FBXW2: variants seen among roughly 807,000 people sequenced by gnomAD.
The protein encoded by FBXW2 is F-box/WD repeat-containing protein 2.
Under a neutral mutation model 46.0 loss-of-function variants are expected in FBXW2, and 12 were observed. That is an observed-to-expected ratio of 0.26 (90% CI 0.17 to 0.42). The LOEUF (loss-of-function observed/expected upper bound fraction) is 0.42. FBXW2 is among the 10% of genes least tolerant of loss of function. FBXW2 has a pLI of 1.00. For synonymous variants in FBXW2, 203 were observed against 209.6 expected (o/e 0.97, Z 0.27); for missense variants, 360 against 537.0 (o/e 0.67, Z 3.26).
chr9:120,787,177 T>C (rs2044740483), intron 3 of FBXW2, among the ~76,000 whole-genome samples: 1 of 152,238 alleles, frequency 6.6e-6, no homozygotes, highest in Admixed American at 6.5e-5. Context: ...TATAGGCGCA[T>C]GCCGCCACGC....
chr9:120,781,270 A>G (rs556458948), intron 3 of FBXW2, among the ~76,000 whole-genome samples: 1 of 152,284 alleles, frequency 6.6e-6, no homozygotes, highest in South Asian at 2.1e-4. Context: ...CAACTATTAA[A>G]TATCTCTATA....
chr9:120,792,947 C>T, intron 2 of FBXW2: 1 of 1,533,424 alleles, frequency 6.5e-7, no homozygotes, highest in Non-Finnish European at 8.7e-7. Flanking sequence ...TCATAAACCA[C>T]CTCATCACAC....
intron 5 of FBXW2, among the ~76,000 whole-genome samples, chr9:120,775,287 G>A (rs1013880620): frequency 7.2e-5 from 11 of 152,086 alleles, no homozygotes; most frequent in African/African-American, 2.2e-4. Flanking sequence ...CAGGTGATCC[G>A]CCCGCCTTGG....
Position 120,787,338 on chromosome 9 carries a change from A to G in FBXW2, c.490+431T>C, listed in dbSNP as rs370635998. ...GCCACTGCGCCCGACCTCCTTTCCC[A>G]TATTTTAAAGATACAGAGAGGTTAA... On this transcript the variant is annotated intron_variant, in intron 3 of 7. Transcript: ENST00000608872. Among the ~76,000 whole-genome samples the G allele has an allele frequency of 1.8e-4, 28 of 152,258 alleles. No individual in the cohort carries two copies. The East Asian group carries it at 4.1e-3, about 22-fold the overall frequency.
intron 3 of FBXW2, among the ~76,000 whole-genome samples, chr9:120,782,336 C>G (rs1337443584): frequency 2.0e-5 from 3 of 151,900 alleles, no homozygotes; most frequent in Non-Finnish European, 2.9e-5. Context: ...CACGGTGGCG[C>G]ATGCCTGTAA....
At chr9:120,772,645 C>T (rs2044404266) in intron 6 of FBXW2, 109 bp downstream of exon 6, 2 of 660,606 alleles carry the variant, frequency 3.0e-6, no homozygotes, top group Non-Finnish European at 5.0e-6. Flanking sequence ...TGGACTAAGA[C>T]ACTCCCCCTC....
chr9:120,788,016 G>A lies in FBXW2; in HGVS notation c.243C>T (p.Cys81=), dbSNP rs2044759704. ...WLDPQTLLTC[C]LVSKQWNKVI... ...CCTTATTCCACTGTTTAGAGACGAGGCAGCATGTGAGTAAAGTCTGAGGAT... is the reference window on the plus strand; with the variant it reads ...CCTTATTCCACTGTTTAGAGACGAGACAGCATGTGAGTAAAGTCTGAGGAT... Residue 81 remains cysteine, a synonymous_variant, in exon 3 of 8, where the codon TGC becomes TGT. Coordinates refer to ENST00000608872, the MANE Select transcript of FBXW2 (RefSeq NM_012164.4). 1 of 1,614,188 alleles carries A rather than the reference G, an allele frequency of 6.2e-7. No individual in the cohort carries two copies. The highest frequency in any genetic ancestry group is 8.5e-7 in the Non-Finnish European group (1 of 1,180,046).
At chr9:120,792,999 G>A (rs566689501) in intron 2 of FBXW2, 150 bp downstream of exon 2, 111 of 1,518,366 alleles carry the variant, frequency 7.3e-5, no homozygotes, top group Admixed American at 4.9e-4. Flanking sequence ...GGACATCACT[G>A]TTAACTCATT....
Position 120,759,390 on chromosome 9 carries a change from T to A in FBXW2, c.*5169A>T, listed in dbSNP as rs923617104. On this transcript the variant is annotated 3_prime_UTR_variant, in exon 8 of 8. Coordinates refer to ENST00000608872, the MANE Select transcript of FBXW2 (RefSeq NM_012164.4). ...ATAACTTCTCATCTTAGAGACATCT[T>A]GTTCCACAATCACCCCACTATTTGC... The A allele has an allele frequency of 1.5e-4, 23 of 152,234 alleles. No homozygotes were observed. Among genetic ancestry groups the A allele is most frequent in the African/African-American group, 5.5e-4 (23 of 41,458 alleles). 9.4% of individuals were successfully genotyped at this position (152,234 alleles called of 1,614,324 possible).
Position 120,764,770 on chromosome 9 carries a change from C to T in FBXW2, c.1154G>A (p.Arg385His), listed in dbSNP as rs372136242. ...GDIFALLFDNRYLYIMDLRTE... is the reference protein window; with the variant it reads ...GDIFALLFDNHYLYIMDLRTE... ...CCGCAAGTCCATGATGTACAGGTAG[C>T]GGTTGTCAAACAGCAGGGCAAAGAT... Residue 385 changes from arginine to histidine, a missense_variant, in exon 8 of 8, where the codon CGC becomes CAC. By Grantham distance (29) the Arg-to-His change is conservative. Coordinates refer to ENST00000608872, the MANE Select transcript of FBXW2 (RefSeq NM_012164.4). The T allele has an allele frequency of 1.8e-4, 285 of 1,613,378 alleles. No individual in the cohort carries two copies. Among genetic ancestry groups the T allele is most frequent in the Non-Finnish European group, 2.3e-4 (275 of 1,179,526 alleles).
chr9:120,775,203 C>A (rs147126711), intron 5 of FBXW2, among the ~76,000 whole-genome samples: 157 of 152,086 alleles, frequency 1.0e-3, no homozygotes, highest in Non-Finnish European at 1.7e-3. Flanking sequence ...GGGATTACGC[C>A]TGGCTGATTT....
At chr9:120,767,764 G>C (rs1051412108) in intron 7 of FBXW2, among the ~76,000 whole-genome samples, 1 of 152,110 alleles carries the variant, frequency 6.6e-6, no homozygotes, top group South Asian at 2.1e-4. Context: ...CTCAAGCTAG[G>C]AAACGTGGCA....
At position 120,760,715 on chromosome 9, in the gene FBXW2, C is replaced by T. The variant is rs1299401497; in HGVS notation, c.*3844G>A. The T allele has an allele frequency of 6.6e-6, 1 of 152,196 alleles. No individual in the cohort carries two copies. Among genetic ancestry groups the T allele is most frequent in the East Asian group, 1.9e-4 (1 of 5,192 alleles). The allele number at this position is 152,196 out of a possible 1,614,324, so 9.4% of individuals were successfully genotyped here. On this transcript the variant is annotated 3_prime_UTR_variant, in exon 8 of 8. Coordinates refer to ENST00000608872, the MANE Select transcript of FBXW2 (RefSeq NM_012164.4). ...AGGCAATCTGGAAGCCACACAGTAA[C>T]AACTTCAAGTTGCCAGCTGGGTTTG...
rs1053322278 is a variant in FBXW2, at chr9:120,768,575, C to T, written c.1076+2773G>A. Reference sequence around the variant, plus strand: ...GGTGCGGTGGCTCATGCCTATAATCCCAGCACTTTGGGAGGCGGGTGGATC... The same window carrying T: ...GGTGCGGTGGCTCATGCCTATAATCTCAGCACTTTGGGAGGCGGGTGGATC... On this transcript the variant is annotated intron_variant, in intron 7 of 7. Transcript: ENST00000608872. Among the ~76,000 whole-genome samples, 3 of 152,162 alleles carry T rather than the reference C, an allele frequency of 2.0e-5. No individual in the cohort carries two copies. The South Asian group carries it at 6.2e-4, about 32-fold the overall frequency.
chr9:120,790,797 GC>G (rs1384327113), intron 2 of FBXW2, among the ~76,000 whole-genome samples: 1 of 151,980 alleles, frequency 6.6e-6, no homozygotes, highest in Non-Finnish European at 1.5e-5. Context: ...TGCACGTTGT[GC>G]ACATGTACCC....
intron 6 of FBXW2, 68 bp downstream of exon 6, chr9:120,772,686 C>T: frequency 9.4e-7 from 1 of 1,066,910 alleles, no homozygotes; most frequent in Non-Finnish European, 1.3e-6. Context: ...CTTTGCCATA[C>T]CACTTTCATT....
intron 6 of FBXW2, among the ~76,000 whole-genome samples, chr9:120,771,967 G>A (rs946547551): frequency 2.0e-5 from 3 of 149,122 alleles, no homozygotes; most frequent in Non-Finnish European, 4.4e-5. Flanking sequence ...GCTGAAGCAC[G>A]AGCATCACTT....
chr9:120,772,210 A>G (rs1464963497), intron 6 of FBXW2, among the ~76,000 whole-genome samples: 1 of 151,928 alleles, frequency 6.6e-6, no homozygotes, highest in Non-Finnish European at 1.5e-5. Context: ...AGTATTAAGA[A>G]TGGGCCGGGC....
rs1427761711 is a variant in FBXW2, at chr9:120,786,853, G to A, written c.490+916C>T. Among the ~76,000 whole-genome samples, 4 of 151,924 alleles carry A rather than the reference G, an allele frequency of 2.6e-5. No homozygotes were observed. In the East Asian group the frequency reaches 7.7e-4, roughly 29 times the overall value. On this transcript the variant is annotated intron_variant, in intron 3 of 7. Coordinates refer to ENST00000608872, the MANE Select transcript of FBXW2 (RefSeq NM_012164.4). ...ACAGAAACACACGTCCATTACAAAT[G>A]GAAAATAACATATAATTTTAAATTT...
Sources: gnomAD v4.1 joint callset for allele counts (sites outside exome capture counted in the v4.1 genomes callset) on GRCh38, gnomAD v4.1.1 for gene constraint, MANE v1.5 for transcripts, NCBI Gene and HGNC (gene_info 2026-07-23, HGNC 2026-07-21) for gene names.